The following ATRX variants were observed in gnomAD, a reference collection of about 807,000 sequenced individuals.
The protein encoded by ATRX is ATRX chromatin remodeler, also known as chromatin remodeler ATRX.
Under a neutral mutation model 172.6 loss-of-function variants are expected in ATRX, and 12 were observed. The observed-to-expected ratio is 0.07, with a 90% CI of 0.04 to 0.11. The LOEUF is 0.11. ATRX is among the 10% of genes least tolerant of loss of function. The probability of loss-of-function intolerance (pLI) is 1.00; values close to 1 mark genes in which losing one functional copy is unlikely to be tolerated. For missense variants in ATRX, 1,368 were observed against 1,767.4 expected, an observed-to-expected ratio of 0.77 and a Z score of 4.05; for synonymous variants, 674 against 594.7, an observed-to-expected ratio of 1.13 and a Z score of -1.94.
intron 30 of ATRX, among the ~76,000 whole-genome samples, chrX:77,543,283 C>T (rs781859094): frequency 1.8e-5 from 2 of 111,724 alleles, no homozygotes; most frequent in South Asian, 3.8e-4. Context: ...GTTAGAATGG[C>T]GATCTTTAAA....
intron 9 of ATRX, among the ~76,000 whole-genome samples, chrX:77,678,553 C>T (rs1196969837): frequency 1.8e-5 from 2 of 112,096 alleles, no homozygotes; most frequent in Admixed American, 9.4e-5. Context: ...GTGGCGCGAT[C>T]GTGGCTCACT....
intron 1 of ATRX, among the ~76,000 whole-genome samples, chrX:77,724,247 G>A (rs1454555114): frequency 6.4e-5 from 7 of 109,008 alleles, no homozygotes; most frequent in East Asian, 2.8e-4. Context: ...ACTGCACTCC[G>A]GCCTAGACAA....
chrX:77,658,874 C>T (rs2069700512), intron 12 of ATRX, among the ~76,000 whole-genome samples: 3 of 111,649 alleles, frequency 2.7e-5, no homozygotes, highest in Non-Finnish European at 5.6e-5. Context: ...GAACTCTGCA[C>T]TATTTGTGTA....
At chrX:77,692,636 A>G (rs1168866138) in intron 6 of ATRX, among the ~76,000 whole-genome samples, 1 of 111,641 alleles carries the variant, frequency 9.0e-6, no homozygotes, top group Non-Finnish European at 1.9e-5. Context: ...TGCTTTCACT[A>G]CACTTCTACT....
chrX:77,549,613 TGTTAAACTACTTATAA>T (rs2064389162), intron 30 of ATRX, among the ~76,000 whole-genome samples: 1 of 112,485 alleles, frequency 8.9e-6, no homozygotes, highest in Admixed American at 9.5e-5. Context: ...TAGAAACTTG[TGTTAAACTACTTATAA>T]GTCTAGATCA....
chrX:77,733,947 TA>T (rs2074417043), intron 1 of ATRX, among the ~76,000 whole-genome samples: 1 of 109,296 alleles, frequency 9.1e-6, no homozygotes, highest in Admixed American at 9.9e-5. Context: ...CTCACACCTG[TA>T]ATCCCAACAC....
intron 10 of ATRX, among the ~76,000 whole-genome samples, chrX:77,667,353 T>C (rs1447837635): frequency 9.5e-6 from 1 of 105,462 alleles, no homozygotes; most frequent in African/African-American, 3.5e-5. Flanking sequence ...ATAAAATATG[T>C]GAAGCATTGA....
At chrX:77,598,262 C>T (rs1388872421) in intron 25 of ATRX, among the ~76,000 whole-genome samples, 6 of 109,558 alleles carry the variant, frequency 5.5e-5, no homozygotes, top group African/African-American at 1.3e-4. Flanking sequence ...AAGAGGAGAG[C>T]GACAGACACG....
At chrX:77,536,060 G>A (rs954507108) in intron 30 of ATRX, among the ~76,000 whole-genome samples, 2 of 109,213 alleles carry the variant, frequency 1.8e-5, no homozygotes, top group African/African-American at 6.7e-5. Flanking sequence ...TTTTTTAAGA[G>A]ACAGGGGCTC....
At chrX:77,597,878 AGAGAT>A (rs1454138967) in intron 25 of ATRX, among the ~76,000 whole-genome samples, 2 of 112,427 alleles carry the variant, frequency 1.8e-5, no homozygotes. Flanking sequence ...AAGGCAGTTT[AGAGAT>A]TTCTCAAAGA....
chrX:77,525,430 A>G (rs1237127755), intron 30 of ATRX, among the ~76,000 whole-genome samples: 5 of 112,483 alleles, frequency 4.4e-5, no homozygotes, highest in Admixed American at 9.4e-5. Flanking sequence ...ATAAAACCAG[A>G]TAACACTGAC....
At chrX:77,599,601 AAAC>A (rs2148145899) in intron 24 of ATRX, 21 bp from the exon 25 acceptor site, 2 of 1,204,099 alleles carry the variant, frequency 1.7e-6, no homozygotes, top group African/African-American at 3.5e-5. Flanking sequence ...ACAAACAAAC[AAAC>A]AAAAAAACAC....
chrX:77,518,149 A>G (rs2063115708), intron 34 of ATRX, among the ~76,000 whole-genome samples: 1 of 112,217 alleles, frequency 8.9e-6, no homozygotes, highest in Non-Finnish European at 1.9e-5. Flanking sequence ...TATTCAACAT[A>G]GTTCTGCAAG....
intron 19 of ATRX, among the ~76,000 whole-genome samples, chrX:77,629,939 C>T (rs1473189554): frequency 1.8e-5 from 2 of 112,461 alleles, no homozygotes; most frequent in East Asian, 2.8e-4. Flanking sequence ...CTATGATTTT[C>T]TTAATAGAAA....
At position 77,589,849 on chromosome X, in the gene ATRX, G is replaced by A. The variant is rs1557079194; in HGVS notation, c.6202C>T (p.Pro2068Ser). 2.5e-6 allele frequency: 3 copies of A among 1,200,854 alleles called. No individual in the cohort carries two copies. Among genetic ancestry groups the A allele is most frequent in the South Asian group, 1.8e-5 (1 of 56,547 alleles). The change falls in exon 27 of 35, where the codon CCC (proline) becomes TCC (serine). Residue 2068 changes from proline (P) to serine (S), a missense_variant. Coordinates refer to ENST00000373344, the MANE Select transcript of ATRX (RefSeq NM_000489.6). ...TGTAGCTCACCTTTATAAATAAGGG[G>A]TTTATCTTTATCTTCTGTCTTCTCC... Reference protein sequence around the residue: ...SREKTEDKDKPLIYKGEGKWL... With the variant: ...SREKTEDKDKSLIYKGEGKWL...
chrX:77,737,208 C>G (rs1348906186), intron 1 of ATRX, among the ~76,000 whole-genome samples: 2 of 110,061 alleles, frequency 1.8e-5, no homozygotes, highest in African/African-American at 6.6e-5. Flanking sequence ...GCGAACCACG[C>G]GGTCAGGAGT....
At chrX:77,538,230 AACACACACACACACACAC>A (rs34675782) in intron 30 of ATRX, among the ~76,000 whole-genome samples, 1 of 95,992 alleles carries the variant, frequency 1.0e-5, no homozygotes, top group Non-Finnish European at 2.1e-5. Flanking sequence ...TACACACACA[AACACACACACACACACAC>A]ACACACACAC....
At chrX:77,669,648 C>T (rs986777635) in intron 10 of ATRX, among the ~76,000 whole-genome samples, 3 of 110,937 alleles carry the variant, frequency 2.7e-5, no homozygotes, top group Admixed American at 9.7e-5. Context: ...AAGTGTATTT[C>T]GCATATTTTA....
At chrX:77,739,244 T>C (rs1557180743) in intron 1 of ATRX, among the ~76,000 whole-genome samples, 1 of 110,720 alleles carries the variant, frequency 9.0e-6, no homozygotes, top group Non-Finnish European at 1.9e-5. Flanking sequence ...CGATGTTTGG[T>C]TTTCCATTCC....
Sources: gnomAD v4.1 joint callset for allele counts (sites outside exome capture counted in the v4.1 genomes callset) on GRCh38, gnomAD v4.1.1 for gene constraint, MANE v1.5 for transcripts, NCBI Gene and HGNC (gene_info 2026-07-23, HGNC 2026-07-21) for gene names.